Variants in SMYD3 observed in about 807,000 individuals in gnomAD.
SMYD3 encodes histone-lysine N-methyltransferase SMYD3.
Under a neutral mutation model 57.7 loss-of-function variants are expected in SMYD3, and 36 were observed. The ratio of observed to expected loss-of-function variants is 0.62; its 90% CI spans 0.48 to 0.82. The LOEUF (loss-of-function observed/expected upper bound fraction) is 0.82. SMYD3 is among the 40% of genes least tolerant of loss of function. The pLI, the probability that SMYD3 is intolerant of heterozygous loss-of-function variation, is 0.00. For synonymous variants in SMYD3, 211 were observed against 195.0 expected, an observed-to-expected ratio of 1.08 and a Z score of -0.68; for missense variants, 515 against 538.8, an observed-to-expected ratio of 0.96 and a Z score of 0.44.
chr1:246,320,873 C>T (rs967416203), intron 5 of SMYD3, among the ~76,000 whole-genome samples: 4 of 152,138 alleles, frequency 2.6e-5, no homozygotes, highest in East Asian at 3.8e-4. Context: ...CATTCCATGG[C>T]GTTTCAATTA....
intron 1 of SMYD3, among the ~76,000 whole-genome samples, chr1:246,486,641 T>C (rs2068192711): frequency 6.6e-6 from 1 of 152,156 alleles, no homozygotes; most frequent in African/African-American, 2.4e-5. Flanking sequence ...GATTAAGTGA[T>C]TTGCCCAAGG....
At chr1:246,455,519 A>T (rs2067689502) in intron 1 of SMYD3, among the ~76,000 whole-genome samples, 1 of 152,208 alleles carries the variant, frequency 6.6e-6, no homozygotes, top group Non-Finnish European at 1.5e-5. Context: ...GAAAGAAATG[A>T]GTTCTATTAA....
At chr1:246,194,236 A>G (rs1337988535) in intron 5 of SMYD3, among the ~76,000 whole-genome samples, 1 of 151,732 alleles carries the variant, frequency 6.6e-6, no homozygotes, top group Non-Finnish European at 1.5e-5. Context: ...ATTTTTTTGA[A>G]CACTTCATAT....
intron 5 of SMYD3, among the ~76,000 whole-genome samples, chr1:246,006,340 A>T (rs933553709): frequency 2.0e-5 from 3 of 151,888 alleles, no homozygotes; most frequent in African/African-American, 7.3e-5. Context: ...GGGGCGGGAC[A>T]GGGGAGACAC....
intron 5 of SMYD3, among the ~76,000 whole-genome samples, chr1:246,193,113 C>A (rs149153311): frequency 6.6e-6 from 1 of 152,052 alleles, no homozygotes; most frequent in African/African-American, 2.4e-5. Flanking sequence ...AAAAGTATTC[C>A]TCATTAGAAG....
chr1:245,946,123 TA>T (rs955195025), intron 5 of SMYD3, among the ~76,000 whole-genome samples: 4 of 152,078 alleles, frequency 2.6e-5, no homozygotes, highest in African/African-American at 9.7e-5. Flanking sequence ...CAGTTAAATT[TA>T]AAAAAGGAAA....
At chr1:246,253,145 A>AG (rs11398684) in intron 5 of SMYD3, among the ~76,000 whole-genome samples, 31,537 of 152,054 alleles carry the variant, frequency 0.21, 3,985 homozygotes, top group East Asian at 0.58. Flanking sequence ...TTTAGAACCA[A>AG]GGGGGTACAT....
intron 5 of SMYD3, chr1:246,326,441 G>C (rs1468589018): frequency 1.5e-6 from 1 of 663,924 alleles, no homozygotes; most frequent in Non-Finnish European, 2.7e-6. Context: ...TTCCTCCCTA[G>C]GCCAAGATAA....
At chr1:246,278,756 A>G (rs1425586569) in intron 5 of SMYD3, among the ~76,000 whole-genome samples, 1 of 152,224 alleles carries the variant, frequency 6.6e-6, no homozygotes, top group African/African-American at 2.4e-5. Context: ...CACCTGACCC[A>G]CAGAAACCAT....
chr1:246,019,713 T>C (rs956620182), intron 5 of SMYD3, among the ~76,000 whole-genome samples: 52 of 152,246 alleles, frequency 3.4e-4, no homozygotes, highest in Admixed American at 3.4e-3. Flanking sequence ...AAAAATGTAA[T>C]TATTAATTTA....
intron 5 of SMYD3, among the ~76,000 whole-genome samples, chr1:246,297,654 A>G (rs1161892652): frequency 6.6e-6 from 1 of 152,176 alleles, no homozygotes; most frequent in Non-Finnish European, 1.5e-5. Flanking sequence ...AAATTTCTTG[A>G]CTAGAATATT....
intron 5 of SMYD3, among the ~76,000 whole-genome samples, chr1:246,023,779 G>T (rs2148235431): frequency 6.8e-6 from 1 of 147,210 alleles, no homozygotes; most frequent in East Asian, 2.0e-4. Flanking sequence ...TTTAACCTCA[G>T]AACCCACTTC....
chr1:246,045,615 G>T (rs1439714664), intron 5 of SMYD3, among the ~76,000 whole-genome samples: 19 of 152,040 alleles, frequency 1.2e-4, no homozygotes, highest in Admixed American at 1.2e-3. Flanking sequence ...GGCAACAAAA[G>T]CCAAAATTGA....
intron 5 of SMYD3, among the ~76,000 whole-genome samples, chr1:246,281,346 T>G (rs1163773694): frequency 6.6e-6 from 1 of 152,230 alleles, no homozygotes; most frequent in African/African-American, 2.4e-5. Context: ...TGCCATTGAT[T>G]GGCAACCTAC....
intron 5 of SMYD3, chr1:245,930,721 AAAAAC>A (rs1289985409): frequency 2.0e-5 from 3 of 152,250 alleles, no homozygotes; most frequent in African/African-American, 7.2e-5. Flanking sequence ...AGCAGTGAAG[AAAAAC>A]AAAACAAAAG....
chr1:245,809,570 C>T (rs933564703), intron 10 of SMYD3, among the ~76,000 whole-genome samples: 22 of 152,214 alleles, frequency 1.4e-4, no homozygotes, highest in African/African-American at 5.3e-4. Context: ...CAAAAACACT[C>T]AGGTGAGAGA....
rs549022194 is a variant in SMYD3 at position 246,014,307 on chromosome 1, C to G, written c.532-84370G>C. Among the ~76,000 whole-genome samples the G allele has an allele frequency of 4.6e-5, 7 of 152,236 alleles. No homozygotes were observed. In the East Asian group the frequency reaches 1.4e-3, roughly 29 times the overall value. On this transcript the variant is annotated intron_variant, in intron 5 of 11. Coordinates refer to ENST00000490107, the MANE Select transcript of SMYD3 (RefSeq NM_001167740.2). ...ATTGCACTCCAGGCTGGGTGAAGAA[C>G]AAGACTGTCTCAAACAAACAAACAA...
chr1:246,233,293 C>A (rs71533462), intron 5 of SMYD3, among the ~76,000 whole-genome samples: 3 of 110,634 alleles, frequency 2.7e-5, no homozygotes, highest in South Asian at 9.0e-4. Context: ...AGAGGAGAAG[C>A]GCTCCTCAAT....
At chr1:246,450,798 C>G (rs576744484) in intron 1 of SMYD3, among the ~76,000 whole-genome samples, 1 of 152,292 alleles carries the variant, frequency 6.6e-6, no homozygotes, top group East Asian at 1.9e-4. Context: ...GAAAGATGTA[C>G]TACAAGTTCA....
Sources: gnomAD v4.1 joint callset for allele counts (sites outside exome capture counted in the v4.1 genomes callset) on GRCh38, gnomAD v4.1.1 for gene constraint, MANE v1.5 for transcripts, NCBI Gene and HGNC (gene_info 2026-07-23, HGNC 2026-07-21) for gene names.